The following TRAF1 variants were observed in gnomAD, a reference collection of about 807,000 sequenced individuals.
TRAF1 encodes the protein TNF receptor-associated factor 1.
A neutral mutation model predicts 40.9 loss-of-function variants in TRAF1; 23 were observed. That is an observed-to-expected ratio of 0.56 (90% confidence interval 0.40 to 0.80). The LOEUF (loss-of-function observed/expected upper bound fraction) is 0.80, where lower values mean the gene tolerates loss of function less well. Among genes scored for constraint, TRAF1 ranks in the 30% least tolerant of loss-of-function variants. The probability of loss-of-function intolerance (pLI) is 0.00; values close to 1 mark genes in which losing one functional copy is unlikely to be tolerated. For missense variants in TRAF1, 477 were observed against 528.7 expected, an observed-to-expected ratio of 0.90 and a Z score of 0.96; for synonymous variants, 206 against 218.8, an observed-to-expected ratio of 0.94 and a Z score of 0.52.
intron 3 of TRAF1, among the ~76,000 whole-genome samples, chr9:120,915,301 C>T (rs868263910): frequency 3.9e-5 from 6 of 152,168 alleles, no homozygotes; most frequent in Non-Finnish European, 5.9e-5. Context: ...CTGTACAGCA[C>T]GTGACCATAC....
chr9:120,928,075 T>C (rs1326226219), upstream of TRAF1: 2 of 152,158 alleles, frequency 1.3e-5, no homozygotes, highest in Non-Finnish European at 2.9e-5. Flanking sequence ...TCTTACGTAA[T>C]TTTACAGACA....
At chr9:120,924,461 C>T (rs1437097018) in intron 2 of TRAF1, among the ~76,000 whole-genome samples, 1 of 151,966 alleles carries the variant, frequency 6.6e-6, no homozygotes, top group East Asian at 1.9e-4. Flanking sequence ...GTAGCCCAGG[C>T]TGGAGTGCAG....
In TRAF1 at chr9:120,916,899, T is replaced by A. The variant is rs1202529439; in HGVS notation, c.229-2599A>T. On this transcript the variant is annotated intron_variant, in intron 3 of 7. Transcript: ENST00000373887. ...AGATGCTATGTGTAGACCTGGCTCCTTGGTGAATATACCTGGGGGAGCCTT... is the reference window on the plus strand; with the variant it reads ...AGATGCTATGTGTAGACCTGGCTCCATGGTGAATATACCTGGGGGAGCCTT... 8.5e-5 allele frequency among the ~76,000 whole-genome samples: 13 copies of A among 152,288 alleles called. No homozygotes were observed. In the East Asian group the frequency reaches 2.5e-3, roughly 29 times the overall value.
intron 4 of TRAF1, 86 bp from the exon 5 acceptor site, chr9:120,913,824 C>T: frequency 7.0e-7 from 1 of 1,419,460 alleles, no homozygotes; most frequent in Non-Finnish European, 9.4e-7. Context: ...CAAAGGTCAC[C>T]AAGGATTATT....
rs2046639748 is a variant in TRAF1, at chr9:120,926,192, A to T, written c.-117T>A. ...GGTGAGTAGGAGCTCTGATGACTTT[A>T]TCTTCTTCTCTCTGGCTTGTGTGGT... is the stretch of plus-strand genomic sequence containing the variant. On this transcript the variant is annotated 5_prime_UTR_variant, in exon 2 of 8. Coordinates refer to ENST00000373887, the MANE Select transcript of TRAF1 (RefSeq NM_005658.5). 8.7e-7 allele frequency: 1 copy of T among 1,152,176 alleles called. No individual in the cohort carries two copies. Among genetic ancestry groups the T allele is most frequent in the East Asian group, 2.9e-5 (1 of 34,876 alleles). The allele number at this position is 1,152,176 out of a possible 1,614,324, so 71.4% of individuals were successfully genotyped here. A position where few individuals can be genotyped will look rare whatever the true frequency, so the allele number is the denominator to read the frequency against.
At chr9:120,914,365 C>T (rs998261357) in intron 3 of TRAF1, 65 bp from the exon 4 acceptor site, 2 of 1,348,754 alleles carry the variant, frequency 1.5e-6, no homozygotes, top group Non-Finnish European at 1.9e-6. Context: ...GGGCTCTCTT[C>T]AATGCACCAG....
intron 5 of TRAF1, among the ~76,000 whole-genome samples, chr9:120,913,057 T>A (rs550051713): frequency 6.6e-6 from 1 of 152,138 alleles, no homozygotes; most frequent in Admixed American, 6.5e-5. Context: ...GAGTGGAATA[T>A]GTCCTGCACT....
intron 3 of TRAF1, among the ~76,000 whole-genome samples, chr9:120,918,722 T>C (rs117491891): frequency 1.8e-3 from 267 of 152,314 alleles, no homozygotes; most frequent in Middle Eastern, 6.8e-3. Flanking sequence ...GGGGCTGTAT[T>C]AGAGTCACCT....
chr9:120,911,596 G>T, intron 5 of TRAF1, 83 bp from the exon 6 acceptor site: 1 of 1,505,952 alleles, frequency 6.6e-7, no homozygotes, highest in Non-Finnish European at 9.0e-7. Context: ...AGATTGATCT[G>T]CCCCAGATGT....
In TRAF1 at chr9:120,919,966, C is replaced by T. The variant is rs139284184; in HGVS notation, c.228+3739G>A. ...TGTGACTTTGGTCCAGGCACACCTC[C>T]TCATGGAGCCTCAAAATATTACCTA... On this transcript the variant is annotated intron_variant, in intron 3 of 7. Transcript: ENST00000373887. 6.6e-5 allele frequency among the ~76,000 whole-genome samples: 10 copies of T among 152,276 alleles called. No individual in the cohort carries two copies. In the East Asian group the frequency reaches 1.7e-3, roughly 27 times the overall value.
chr9:120,916,211 C>T (rs2046568434), intron 3 of TRAF1, among the ~76,000 whole-genome samples: 3 of 152,184 alleles, frequency 2.0e-5, no homozygotes, highest in African/African-American at 7.2e-5. Flanking sequence ...CTACATACTA[C>T]CTGTTTCCAT....
At position 120,913,573 on chromosome 9, in the gene TRAF1, C is replaced by A; in HGVS notation, c.460G>T (p.Val154Leu). Residue 154 changes from valine (V) to leucine (L), a missense_variant, in exon 5 of 8, where the codon GTG becomes TTG. Transcript: ENST00000373887. ...ACCTCCAGGTCCCCCGCCACTTCCA[C>A]GGCTGCCTGCAGCTGCAGGTCTGAC... is the stretch of plus-strand genomic sequence containing the variant. ...NLSDLQLQAA[V>L]EVAGDLEVDC... 6.2e-7 allele frequency: 1 copy of A among 1,614,030 alleles called. No individual in the cohort carries two copies. Among genetic ancestry groups the A allele is most frequent in the Non-Finnish European group, 8.5e-7 (1 of 1,180,004 alleles).
In TRAF1 at chr9:120,903,287, A is replaced by G. The variant is rs2046453418; in HGVS notation, c.*1733T>C. The G allele has an allele frequency of 6.6e-6, 1 of 152,258 alleles. No individual in the cohort carries two copies. The allele number at this position is 152,258 out of a possible 1,614,324, so 9.4% of individuals were successfully genotyped here. ...CACATAAAAGCACTAGTGCTCCATTATTGCAGTTGGGCCTCCTGAAAACCC... is the reference window on the plus strand; with the variant it reads ...CACATAAAAGCACTAGTGCTCCATTGTTGCAGTTGGGCCTCCTGAAAACCC... On this transcript the variant is annotated 3_prime_UTR_variant, in exon 8 of 8. Transcript: ENST00000373887.
In TRAF1 at chr9:120,923,715, G is replaced by A; in HGVS notation, c.218C>T (p.Thr73Ile). Residue 73 changes from threonine to isoleucine, a missense_variant, in exon 3 of 8, where the codon ACT becomes ATT. Coordinates refer to ENST00000373887, the MANE Select transcript of TRAF1 (RefSeq NM_005658.5). Reference protein sequence around the residue: ...QSISPGSRLRTQEKAHPEVAE... With the variant: ...QSISPGSRLRIQEKAHPEVAE... ...GATGTGCCAACGTACCTTCTCCTGAGTTCGAAGACGGCTTCCTGGGCTTAT... is the reference window on the plus strand; with the variant it reads ...GATGTGCCAACGTACCTTCTCCTGAATTCGAAGACGGCTTCCTGGGCTTAT... The A allele has an allele frequency of 1.9e-6, 3 of 1,614,158 alleles. No individual in the cohort carries two copies. Among genetic ancestry groups the A allele is most frequent in the Non-Finnish European group, 1.7e-6 (2 of 1,180,000 alleles).
At chr9:120,920,684 AT>A (rs1437489903) in intron 3 of TRAF1, among the ~76,000 whole-genome samples, 1 of 152,254 alleles carries the variant, frequency 6.6e-6, no homozygotes, top group African/African-American at 2.4e-5. Flanking sequence ...ATCCTCTAAT[AT>A]CTGCTTCTTA....
rs528689655 is a variant in TRAF1 at position 120,902,969 on chromosome 9, G to A, written c.*2051C>T. The A allele has an allele frequency of 4.6e-5, 7 of 152,318 alleles. No individual in the cohort carries two copies. The highest frequency in any genetic ancestry group is 4.6e-4 in the Admixed American group (7 of 15,294). The allele number at this position is 152,318 out of a possible 1,614,324, so 9.4% of individuals were successfully genotyped here. ...TATGTATCTCTTGCCATCAGAAATA[G>A]GCAATCAAAAGTGTAGAGTAACAGC... On this transcript the variant is annotated 3_prime_UTR_variant, in exon 8 of 8. Transcript: ENST00000373887.
At chr9:120,928,131 C>G (rs1160251614), upstream of TRAF1, 6 of 152,264 alleles carry the variant, frequency 3.9e-5, no homozygotes, top group Non-Finnish European at 8.8e-5. Flanking sequence ...TTGCCATCAT[C>G]ATCCCCACCT....
rs1025191639 is a variant in TRAF1 at position 120,902,590 on chromosome 9, C to G, written c.*2430G>C. 1.3e-5 allele frequency: 2 copies of G among 152,238 alleles called. No homozygotes were observed. Among genetic ancestry groups the G allele is most frequent in the East Asian group, 1.9e-4 (1 of 5,182 alleles). 9.4% of individuals were successfully genotyped at this position (152,238 alleles called of 1,614,324 possible). ...ATCTGACCCTTCTGACTCCCTCCCC[C>G]ATCCTGCCACACAGACCCTGCCCTC... is the stretch of plus-strand genomic sequence containing the variant. On this transcript the variant is annotated 3_prime_UTR_variant, in exon 8 of 8. Transcript: ENST00000373887.
chr9:120,911,312 C>A (rs1203129694), intron 6 of TRAF1, 24 bp downstream of exon 6: 1 of 1,606,986 alleles, frequency 6.2e-7, no homozygotes, highest in Admixed American at 1.7e-5. Context: ...CCAGGCAGGT[C>A]TCTGTGCCCC....
Sources: gnomAD v4.1 joint callset for allele counts (sites outside exome capture counted in the v4.1 genomes callset) on GRCh38, gnomAD v4.1.1 for gene constraint, MANE v1.5 for transcripts, NCBI Gene and HGNC (gene_info 2026-07-23, HGNC 2026-07-21) for gene names.